The following NBDY variants were observed in gnomAD, a reference collection of about 807,000 sequenced individuals.
NBDY encodes the protein P-body dissociating protein.
chrX:56,788,765 A>C (rs1465367389), intron 2 of NBDY, among the ~76,000 whole-genome samples: 1 of 112,580 alleles, frequency 8.9e-6, no homozygotes, highest in Admixed American at 9.3e-5. Context: ...CCTTATGCGT[A>C]TCTCAAAATG....
chrX:56,743,168 A>G (rs2038381638), intron 2 of NBDY, among the ~76,000 whole-genome samples: 1 of 111,521 alleles, frequency 9.0e-6, no homozygotes, highest in Admixed American at 9.5e-5. Flanking sequence ...CCACTTGGTC[A>G]TGATGAATAA....
At chrX:56,793,751 T>C (rs745315557) in intron 2 of NBDY, among the ~76,000 whole-genome samples, 1 of 110,756 alleles carries the variant, frequency 9.0e-6, no homozygotes, top group Admixed American at 9.5e-5. Context: ...ATTCTTAGGA[T>C]GGCACCCTGG....
At chrX:56,761,504 C>G (rs1005930544) in intron 2 of NBDY, among the ~76,000 whole-genome samples, 3 of 113,492 alleles carry the variant, frequency 2.6e-5, no homozygotes, top group Non-Finnish European at 3.7e-5. Context: ...GTGGCTCTTC[C>G]TCTGTGAAGC....
chrX:56,749,446 T>C (rs1456964023), intron 2 of NBDY, among the ~76,000 whole-genome samples: 1 of 111,351 alleles, frequency 9.0e-6, no homozygotes, highest in Non-Finnish European at 1.9e-5. Flanking sequence ...GGTAAAAACC[T>C]TTGTTTTGTT....
chrX:56,733,747 G>C (rs2069471748), intron 2 of NBDY, among the ~76,000 whole-genome samples: 1 of 112,246 alleles, frequency 8.9e-6, no homozygotes, highest in South Asian at 3.7e-4. Context: ...ATCCCTCTCT[G>C]ATGCTGTCCT....
chrX:56,737,367 T>C, intron 2 of NBDY: 1 of 690,983 alleles, frequency 1.4e-6, no homozygotes, highest in Non-Finnish European at 2.3e-6. Flanking sequence ...TGATGCTTCA[T>C]GGTCAGGTCC....
intron 2 of NBDY, among the ~76,000 whole-genome samples, chrX:56,809,557 A>G (rs745629040): frequency 8.9e-6 from 1 of 111,915 alleles, no homozygotes; most frequent in East Asian, 2.8e-4. Context: ...ACTCTGTTTT[A>G]TCAGAGACTA....
At chrX:56,750,232 A>G (rs1338253528) in intron 2 of NBDY, among the ~76,000 whole-genome samples, 3 of 111,385 alleles carry the variant, frequency 2.7e-5, no homozygotes, top group African/African-American at 6.5e-5. Context: ...CCCAAATCCA[A>G]TGACTGGATT....
At chrX:56,745,180 TG>T (rs2069550697) in intron 2 of NBDY, among the ~76,000 whole-genome samples, 1 of 111,481 alleles carries the variant, frequency 9.0e-6, no homozygotes, top group Non-Finnish European at 1.9e-5. Context: ...ACAGCGTTGA[TG>T]TGCTGGACAA....
Position 56,818,142 on chromosome X carries a change from C to A in NBDY, c.*989C>A, listed in dbSNP as rs1222760156. 2 of 111,284 alleles carry A rather than the reference C, an allele frequency of 1.8e-5. No individual in the cohort carries two copies. The highest frequency in any genetic ancestry group is 6.5e-5 in the African/African-American group (2 of 30,790). 9.2% of individuals were successfully genotyped at this position (111,284 alleles called of 1,213,427 possible). Reference sequence around the variant, plus strand: ...GGGATATAAAAAAATAAAGCTTCTACCTTTGAATTGTAATAATAAAAGATA... The same window carrying A: ...GGGATATAAAAAAATAAAGCTTCTAACTTTGAATTGTAATAATAAAAGATA... On this transcript the variant is annotated 3_prime_UTR_variant, in exon 3 of 3. Transcript: ENST00000374922.
At chrX:56,739,923 A>G (rs1490642427) in intron 2 of NBDY, among the ~76,000 whole-genome samples, 1 of 111,878 alleles carries the variant, frequency 8.9e-6, no homozygotes, top group Non-Finnish European at 1.9e-5. Flanking sequence ...TTCAAACTCC[A>G]TCATTTTTAG....
intron 2 of NBDY, among the ~76,000 whole-genome samples, chrX:56,765,204 G>A (rs1236762793): frequency 1.8e-5 from 2 of 112,059 alleles, no homozygotes; most frequent in Non-Finnish European, 3.8e-5. Context: ...TGACCCCTGC[G>A]AGGAGAAATT....
At chrX:56,813,896 G>C (rs965476117) in intron 2 of NBDY, among the ~76,000 whole-genome samples, 2 of 111,686 alleles carry the variant, frequency 1.8e-5, no homozygotes, top group Non-Finnish European at 3.8e-5. Context: ...TTTTCACGGG[G>C]ATGTCACTGG....
chrX:56,767,369 G>C (rs1006445021), intron 2 of NBDY, among the ~76,000 whole-genome samples: 2 of 113,241 alleles, frequency 1.8e-5, no homozygotes, highest in Non-Finnish European at 3.8e-5. Context: ...GCGCCCCCTC[G>C]GCATTGGCGT....
intron 2 of NBDY, among the ~76,000 whole-genome samples, chrX:56,786,429 C>T (rs953702239): frequency 3.6e-5 from 4 of 111,687 alleles, no homozygotes; most frequent in African/African-American, 9.8e-5. Context: ...GCTACAGTGG[C>T]GTGAACCTCC....
intron 2 of NBDY, among the ~76,000 whole-genome samples, chrX:56,767,063 A>G (rs768379930): frequency 2.9e-4 from 33 of 113,256 alleles, no homozygotes; most frequent in Non-Finnish European, 5.6e-4. Context: ...GAGGACCCCC[A>G]ATTCTCCAGC....
intron 2 of NBDY, among the ~76,000 whole-genome samples, chrX:56,736,099 GTTGAGGTAAGGCAT>G (rs1238045947): frequency 9.0e-6 from 1 of 111,209 alleles, no homozygotes; most frequent in East Asian, 2.8e-4. Flanking sequence ...TGTTTTGTTA[GTTGAGGTAAGGCAT>G]TCCTGCCGCA....
chrX:56,784,850 C>T (rs1317912942), intron 2 of NBDY, among the ~76,000 whole-genome samples: 1 of 112,230 alleles, frequency 8.9e-6, no homozygotes, highest in Non-Finnish European at 1.9e-5. Flanking sequence ...TCATACAGCC[C>T]GCTTCTTGGG....
chrX:56,729,679 C>G (rs976544657), intron 1 of NBDY, 90 bp downstream of exon 1: 1 of 290,941 alleles, frequency 3.4e-6, no homozygotes, highest in Non-Finnish European at 6.0e-6. Flanking sequence ...CCTGTTCTTT[C>G]CATGATTTCA....
Sources: gnomAD v4.1 joint callset for allele counts (sites outside exome capture counted in the v4.1 genomes callset) on GRCh38, gnomAD v4.1.1 for gene constraint, MANE v1.5 for transcripts, NCBI Gene and HGNC (gene_info 2026-07-23, HGNC 2026-07-21) for gene names.